The following ADAMTS20 variants were observed in gnomAD, a reference collection of about 807,000 sequenced individuals.
The protein encoded by ADAMTS20 is ADAM metallopeptidase with thrombospondin type 1 motif 20.
ADAMTS20 carries 225 observed loss-of-function variants against 260.1 expected under a neutral mutation model. That is an observed-to-expected ratio of 0.87 (90% CI 0.78 to 0.97). The LOEUF is 0.97. Ranked by LOEUF, ADAMTS20 falls within the 50% of genes least tolerant of loss-of-function variation. The probability of loss-of-function intolerance (pLI) is 0.00; values close to 1 mark genes in which losing one functional copy is unlikely to be tolerated. For missense variants in ADAMTS20, 2,400 were observed against 2,337.7 expected, an observed-to-expected ratio of 1.03 and a Z score of -0.55; for synonymous variants, 802 against 769.5, an observed-to-expected ratio of 1.04 and a Z score of -0.70.
intron 28 of ADAMTS20, among the ~76,000 whole-genome samples, chr12:43,419,060 T>TA (rs1465784071): frequency 1.3e-5 from 2 of 152,098 alleles, no homozygotes; most frequent in Non-Finnish European, 2.9e-5. Context: ...CTACTACTTT[T>TA]AAAAAAATTA....
chr12:43,420,784 T>TCTC (rs1350594956), intron 28 of ADAMTS20, among the ~76,000 whole-genome samples: 5 of 130,760 alleles, frequency 3.8e-5, no homozygotes, highest in East Asian at 4.9e-4. Flanking sequence ...TTCTTCTTCT[T>TCTC]CTCCTCCTCC....
chr12:43,477,455 A>G (rs145210325), intron 7 of ADAMTS20, among the ~76,000 whole-genome samples: 1 of 152,324 alleles, frequency 6.6e-6, no homozygotes, highest in African/African-American at 2.4e-5. Context: ...TGTTGTAAAA[A>G]TTAGAGCAAC....
chr12:43,482,309 G>A (rs1212021698), intron 7 of ADAMTS20, among the ~76,000 whole-genome samples: 1 of 152,226 alleles, frequency 6.6e-6, no homozygotes. Flanking sequence ...GGGGGCAGGA[G>A]CTGGACACCT....
chr12:43,468,497 T>C (rs940829935), intron 8 of ADAMTS20, 103 bp downstream of exon 8: 52 of 757,146 alleles, frequency 6.9e-5, no homozygotes, highest in Middle Eastern at 4.7e-4. Context: ...TAACATTTTA[T>C]GAAGAAACAA....
intron 11 of ADAMTS20, among the ~76,000 whole-genome samples, chr12:43,459,028 C>G (rs1348620481): frequency 6.6e-6 from 1 of 152,132 alleles, no homozygotes; most frequent in Non-Finnish European, 1.5e-5. Context: ...GGATATAAAC[C>G]CAGACATTCG....
intron 36 of ADAMTS20, among the ~76,000 whole-genome samples, chr12:43,372,561 C>T (rs748577089): frequency 6.6e-5 from 10 of 152,064 alleles, no homozygotes; most frequent in Non-Finnish European, 1.3e-4. Flanking sequence ...CAGTGGCTGG[C>T]TGGAAAGGTA....
Position 43,493,271 on chromosome 12 carries a change from G to T in ADAMTS20, c.868-18C>A. On this transcript the variant is annotated intron_variant, in intron 4 of 38. Transcript: ENST00000389420. ...GTTGCAACCTGCATGTAAAAAAAAT[G>T]TAGGATTAGTTGTTTAAAATGAATA... 1 of 1,487,504 alleles carries T rather than the reference G, an allele frequency of 6.7e-7. No individual in the cohort carries two copies. 92.1% of individuals were successfully genotyped at this position (1,487,504 alleles called of 1,614,324 possible). A position where few individuals can be genotyped will look rare whatever the true frequency, so the allele number is the denominator to read the frequency against.
chr12:43,369,107 A>C (rs1219352478), intron 37 of ADAMTS20, among the ~76,000 whole-genome samples, 183 bp downstream of exon 37: 1 of 152,140 alleles, frequency 6.6e-6, no homozygotes, highest in Non-Finnish European at 1.5e-5. Context: ...AAACAAACCC[A>C]AAATTGGCAA....
intron 15 of ADAMTS20, among the ~76,000 whole-genome samples, chr12:43,444,091 A>T (rs1381916626): frequency 6.6e-5 from 10 of 152,200 alleles, no homozygotes; most frequent in Admixed American, 5.9e-4. Context: ...CAAGAAACAG[A>T]GTTTAAGATT....
At chr12:43,418,162 A>G (rs1478193001) in intron 28 of ADAMTS20, among the ~76,000 whole-genome samples, 1 of 152,168 alleles carries the variant, frequency 6.6e-6, no homozygotes, top group Non-Finnish European at 1.5e-5. Context: ...ATTTTTTTCT[A>G]TGAGAAAAAT....
intron 29 of ADAMTS20, among the ~76,000 whole-genome samples, chr12:43,389,564 T>C (rs1489001478): frequency 6.6e-6 from 1 of 152,150 alleles, no homozygotes; most frequent in Non-Finnish European, 1.5e-5. Flanking sequence ...ACAGTTCTCA[T>C]GGATTGTAGT....
chr12:43,356,796 T>C (rs1199145611), intron 37 of ADAMTS20, among the ~76,000 whole-genome samples: 1 of 152,202 alleles, frequency 6.6e-6, no homozygotes, highest in Non-Finnish European at 1.5e-5. Context: ...AGAAATAGTG[T>C]TCACGGGGAC....
intron 3 of ADAMTS20, among the ~76,000 whole-genome samples, chr12:43,514,734 T>A (rs1942975748): frequency 6.6e-6 from 1 of 152,164 alleles, no homozygotes; most frequent in South Asian, 2.1e-4. Context: ...AAACTCTTCC[T>A]CTATTATTTC....
At chr12:43,451,137 T>A (rs930718597) in intron 14 of ADAMTS20, among the ~76,000 whole-genome samples, 3 of 152,170 alleles carry the variant, frequency 2.0e-5, no homozygotes, top group African/African-American at 7.2e-5. Context: ...ACAACATGGA[T>A]GAACCTGGAG....
chr12:43,368,827 T>C (rs1940041204), intron 37 of ADAMTS20, among the ~76,000 whole-genome samples: 1 of 151,984 alleles, frequency 6.6e-6, no homozygotes, highest in Admixed American at 6.6e-5. Flanking sequence ...ACTCTAGAAA[T>C]AAAGGATAAA....
chr12:43,475,515 A>G (rs1190766361), intron 7 of ADAMTS20, among the ~76,000 whole-genome samples: 3 of 150,898 alleles, frequency 2.0e-5, no homozygotes, highest in Non-Finnish European at 4.4e-5. Context: ...GGAACCAAAA[A>G]AGAGCCCGCA....
rs1443452965 is a variant in ADAMTS20, at chr12:43,439,932, TATTA to T, written c.2424_2427del (p.Asn809ValfsTer62). 4 of 1,606,806 alleles carry T rather than the reference TATTA, an allele frequency of 2.5e-6. No homozygotes were observed. Among genetic ancestry groups the T allele is most frequent in the African/African-American group, 1.3e-5 (1 of 74,868 alleles). On this transcript the variant is annotated frameshift_variant, in exon 17 of 39. Transcript: ENST00000389420. LOFTEE classifies it high-confidence loss of function. ...AGTTCTTTCTCTTGTCGATTAGTAC[TATTA>T]ATTCTTTCAACTGCGTTATTTGATC...
intron 31 of ADAMTS20, among the ~76,000 whole-genome samples, chr12:43,379,244 T>C (rs1368188913): frequency 6.6e-6 from 1 of 152,214 alleles, no homozygotes; most frequent in African/African-American, 2.4e-5. Context: ...TAAAAACCAT[T>C]GTTTAACTTT....
At chr12:43,405,417 C>A (rs145176734) in intron 28 of ADAMTS20, among the ~76,000 whole-genome samples, 10 of 135,764 alleles carry the variant, frequency 7.4e-5, no homozygotes, top group East Asian at 6.4e-4. Flanking sequence ...GACGTCTTCT[C>A]TAATAATAAT....
Sources: gnomAD v4.1 joint callset for allele counts (sites outside exome capture counted in the v4.1 genomes callset) on GRCh38, gnomAD v4.1.1 for gene constraint, MANE v1.5 for transcripts, NCBI Gene and HGNC (gene_info 2026-07-23, HGNC 2026-07-21) for gene names.